EFCAB7: variants seen among roughly 807,000 people sequenced by gnomAD.
EFCAB7 encodes the protein EF-hand calcium binding domain 7.
In EFCAB7, 66 loss-of-function variants were observed where a neutral mutation model predicts 77.1. That is an observed-to-expected ratio of 0.86 (90% CI 0.70 to 1.05). EFCAB7 has a LOEUF of 1.05. Among genes scored for constraint, EFCAB7 ranks in the 50% least tolerant of loss-of-function variants. The pLI, the probability that EFCAB7 is intolerant of heterozygous loss-of-function variation, is 0.00. For missense variants in EFCAB7, 638 were observed against 730.5 expected (o/e 0.87, Z 1.46); for synonymous variants, 225 against 243.3 (o/e 0.92, Z 0.70).
At chr1:63,584,038 A>G in the EFCAB7 span, among the ~76,000 whole-genome samples, 3 of 151,842 alleles carry the variant, frequency 2.0e-5, no homozygotes, top group Non-Finnish European at 4.4e-5. Context: ...ACAACAGGAG[A>G]GAGTTGAGTG....
intron 13 of EFCAB7, among the ~76,000 whole-genome samples, chr1:63,572,065 CTCCATACTG>C (rs1485344402): frequency 3.3e-5 from 5 of 152,180 alleles, no homozygotes; most frequent in Admixed American, 1.3e-4. Flanking sequence ...CCCTTTCTTT[CTCCATACTG>C]TCCATAAAAT....
At chr1:63,561,556 T>C (rs1051379174) in intron 10 of EFCAB7, among the ~76,000 whole-genome samples, 153 bp from the exon 11 acceptor site, 7 of 152,160 alleles carry the variant, frequency 4.6e-5, no homozygotes, top group Non-Finnish European at 1.0e-4. Context: ...CTCAATAATG[T>C]TTTGAGCCAT....
chr1:63,544,444 ACT>A (rs1404644591), intron 6 of EFCAB7, among the ~76,000 whole-genome samples: 1 of 151,898 alleles, frequency 6.6e-6, no homozygotes, highest in South Asian at 2.1e-4. Flanking sequence ...ACAGAGTCTC[ACT>A]CTGTCACCCA....
Position 63,541,572 on chromosome 1 carries a change from G to GTT in EFCAB7, c.805-4335_805-4334dup, listed in dbSNP as rs1224758579. On this transcript the variant is annotated intron_variant, in intron 6 of 13. Coordinates refer to ENST00000371088, the MANE Select transcript of EFCAB7 (RefSeq NM_032437.4). ...AATGGTATACCAACTCAATGTTTTT[G>GTT]TTTTTTTTTTGAAACGGAGTTTTGC... Among the ~76,000 whole-genome samples the GTT allele has an allele frequency of 8.1e-5, 12 of 147,858 alleles. No homozygotes were observed. In the South Asian group the frequency reaches 8.6e-4, roughly 11 times the overall value.
At chr1:63,538,546 C>G (rs1487483005) in intron 6 of EFCAB7, among the ~76,000 whole-genome samples, 2 of 152,032 alleles carry the variant, frequency 1.3e-5, no homozygotes, top group Admixed American at 6.5e-5. Context: ...CTCCGCCTCC[C>G]GAGTTCGAGT....
chr1:63,550,862 A>G (rs1361787908), intron 7 of EFCAB7, among the ~76,000 whole-genome samples: 1 of 146,778 alleles, frequency 6.8e-6, no homozygotes, highest in African/African-American at 2.4e-5. Context: ...AGAAGATTCC[A>G]AGATTTTTGA....
At chr1:63,535,258 A>G (rs1488876841) in intron 6 of EFCAB7, among the ~76,000 whole-genome samples, 1 of 152,122 alleles carries the variant, frequency 6.6e-6, no homozygotes, top group East Asian at 1.9e-4. Flanking sequence ...TCATACCAAT[A>G]TAATTTTTAA....
At position 63,568,531 on chromosome 1, in the gene EFCAB7, G is replaced by A. The variant is rs2100928627; in HGVS notation, c.1707+12G>A. On this transcript the variant is annotated intron_variant, in intron 12 of 13. Coordinates refer to ENST00000371088, the MANE Select transcript of EFCAB7 (RefSeq NM_032437.4). ...TTATTGAAAACAAGGTATCAATTATGAGGTGGTTTTCCTCATTTTGCTACA... is the reference window on the plus strand; with the variant it reads ...TTATTGAAAACAAGGTATCAATTATAAGGTGGTTTTCCTCATTTTGCTACA... 1 of 1,598,412 alleles carries A rather than the reference G, an allele frequency of 6.3e-7. No individual in the cohort carries two copies. The highest frequency in any genetic ancestry group is 8.5e-7 in the Non-Finnish European group (1 of 1,171,784).
At position 63,532,015 on chromosome 1, in the gene EFCAB7, A is replaced by T; in HGVS notation, c.383A>T (p.Tyr128Phe). 1 of 1,607,732 alleles carries T rather than the reference A, an allele frequency of 6.2e-7. No individual in the cohort carries two copies. The highest frequency in any genetic ancestry group is 8.5e-7 in the Non-Finnish European group (1 of 1,176,208). The change falls in exon 3 of 14, where the codon TAT (tyrosine) becomes TTT (phenylalanine). Residue 128 changes from tyrosine (Y) to phenylalanine (F), a missense_variant. Coordinates refer to ENST00000371088, the MANE Select transcript of EFCAB7 (RefSeq NM_032437.4). ...GGCTGTATTTTACACACTGACCTTTATAAATTTCTAACAAAGGTAAGATCT... is the reference window on the plus strand; with the variant it reads ...GGCTGTATTTTACACACTGACCTTTTTAAATTTCTAACAAAGGTAAGATCT... Reference protein sequence around the residue: ...DDGCILHTDLYKFLTKRGEKM... With the variant: ...DDGCILHTDLFKFLTKRGEKM...
the EFCAB7 span, among the ~76,000 whole-genome samples, chr1:63,584,954 G>C: frequency 2.0e-5 from 3 of 152,130 alleles, no homozygotes; most frequent in African/African-American, 7.2e-5. Context: ...GCATAAAATG[G>C]ATGTTGGTCT....
chr1:63,549,073 G>A (rs780810262), intron 7 of EFCAB7: 1 of 234,318 alleles, frequency 4.3e-6, no homozygotes, highest in Non-Finnish European at 8.5e-6. Context: ...TTTAAAAATC[G>A]CCAAAAATTA....
At chr1:63,566,500 G>GT (rs1647174960) in intron 11 of EFCAB7, among the ~76,000 whole-genome samples, 1 of 151,646 alleles carries the variant, frequency 6.6e-6, no homozygotes, top group Admixed American at 6.6e-5. Context: ...ACTTAAAAGT[G>GT]TAAAAAAAAA....
chr1:63,529,515 A>C (rs1646656848), intron 2 of EFCAB7: 1 of 151,876 alleles, frequency 6.6e-6, no homozygotes. Context: ...GGAGTTTGAG[A>C]CCAGCCTGAC....
intron 2 of EFCAB7, among the ~76,000 whole-genome samples, chr1:63,530,288 G>A (rs943662257): frequency 1.3e-5 from 2 of 151,930 alleles, no homozygotes; most frequent in African/African-American, 4.8e-5. Context: ...TTGGTGATGC[G>A]CAGATCTTGT....
downstream of EFCAB7, among the ~76,000 whole-genome samples, chr1:63,573,414 T>G (rs553014942): frequency 6.6e-6 from 1 of 152,182 alleles, no homozygotes; most frequent in African/African-American, 2.4e-5. Context: ...AAAACAGGTA[T>G]TAAAGGACTA....
chr1:63,578,791 A>C, the EFCAB7 span, among the ~76,000 whole-genome samples: 1 of 151,762 alleles, frequency 6.6e-6, no homozygotes, highest in Admixed American at 6.6e-5. Flanking sequence ...ATGTGTGCAA[A>C]GTACTGCTTT....
At chr1:63,547,722 G>C (rs940289250) in intron 7 of EFCAB7, 1 of 152,222 alleles carries the variant, frequency 6.6e-6, no homozygotes, top group African/African-American at 2.4e-5. Context: ...GTTAGCTACA[G>C]GTTAGCTGGT....
intron 7 of EFCAB7, 146 bp downstream of exon 7, chr1:63,546,203 C>T (rs1646896677): frequency 1.2e-6 from 1 of 836,720 alleles, no homozygotes; most frequent in Non-Finnish European, 1.8e-6. Context: ...AAAGTGTTGG[C>T]TTATACATGA....
intron 10 of EFCAB7, among the ~76,000 whole-genome samples, chr1:63,558,055 A>G (rs569018520): frequency 4.2e-4 from 64 of 152,320 alleles, no homozygotes; most frequent in African/African-American, 1.4e-3. Context: ...TATTTATATA[A>G]AGGAATCTTT....
Sources: allele counts gnomAD v4.1 joint callset (sites outside exome capture counted in the v4.1 genomes callset), GRCh38; gene constraint gnomAD v4.1.1; transcripts MANE v1.5; gene names NCBI Gene and HGNC (gene_info 2026-07-23, HGNC 2026-07-21).